The following DLC1 variants were observed in gnomAD, a reference collection of about 807,000 sequenced individuals.
The protein encoded by DLC1 is rho GTPase-activating protein 7.
DLC1 carries 54 observed loss-of-function variants against 140.3 expected under a neutral mutation model. The ratio of observed to expected loss-of-function variants is 0.38; its 90% CI spans 0.31 to 0.48. The LOEUF is 0.48. DLC1 is among the 20% of genes least tolerant of loss of function. The probability of loss-of-function intolerance (pLI) is 0.96; values close to 1 mark genes in which losing one functional copy is unlikely to be tolerated. For synonymous variants in DLC1, 986 were observed against 728.1 expected (o/e 1.35, Z -5.70); for missense variants, 2,536 against 1,907.0 (o/e 1.33, Z -6.14).
intron 5 of DLC1, among the ~76,000 whole-genome samples, chr8:13,187,067 C>G (rs141362020): frequency 6.6e-6 from 1 of 152,142 alleles, no homozygotes; most frequent in Non-Finnish European, 1.5e-5. Flanking sequence ...GGGCAGCCAC[C>G]TATGTGAGGT....
intron 5 of DLC1, among the ~76,000 whole-genome samples, chr8:13,168,290 A>T (rs575469945): frequency 6.6e-6 from 1 of 152,312 alleles, no homozygotes; most frequent in South Asian, 2.1e-4. Flanking sequence ...TCAAAATTTT[A>T]ATGAGAGGAA....
chr8:13,333,837 C>G (rs928171909), intron 4 of DLC1, among the ~76,000 whole-genome samples: 1 of 152,108 alleles, frequency 6.6e-6, no homozygotes, highest in African/African-American at 2.4e-5. Flanking sequence ...GAGTAGACAG[C>G]TTTAAAAGAT....
intron 2 of DLC1, among the ~76,000 whole-genome samples, chr8:13,460,163 C>T (rs1799593803): frequency 6.6e-6 from 1 of 152,188 alleles, no homozygotes; most frequent in Non-Finnish European, 1.5e-5. Context: ...TATGTCTTAT[C>T]CTGATGTGTA....
At chr8:13,223,434 T>G (rs1013645864) in intron 5 of DLC1, among the ~76,000 whole-genome samples, 1 of 152,208 alleles carries the variant, frequency 6.6e-6, no homozygotes, top group African/African-American at 2.4e-5. Context: ...CTTTTTGTGT[T>G]TATTTTGTAT....
chr8:13,099,318 A>G, intron 9 of DLC1, 29 bp downstream of exon 9: 1 of 1,592,116 alleles, frequency 6.3e-7, no homozygotes, highest in South Asian at 1.2e-5. Context: ...CCAGTGCCCC[A>G]CACCCGGAGG....
chr8:13,467,103 C>T (rs1234187145), intron 2 of DLC1, among the ~76,000 whole-genome samples: 1 of 152,180 alleles, frequency 6.6e-6, no homozygotes, highest in Non-Finnish European at 1.5e-5. Context: ...AGATTTACTC[C>T]TTTGTAACTT....
chr8:13,219,811 A>G (rs1039539907), intron 5 of DLC1, among the ~76,000 whole-genome samples: 4 of 152,186 alleles, frequency 2.6e-5, no homozygotes, highest in Admixed American at 1.3e-4. Flanking sequence ...TAAATGAGGT[A>G]TGTCCATCCA....
chr8:13,571,051 T>C (rs1038836558), intron 1 of DLC1, among the ~76,000 whole-genome samples: 4 of 152,190 alleles, frequency 2.6e-5, no homozygotes, highest in African/African-American at 9.7e-5. Context: ...ACAACTTTAT[T>C]ATTGGGTAGG....
At chr8:13,590,608 C>T (rs1031855595) in intron 1 of DLC1, among the ~76,000 whole-genome samples, 22 of 152,098 alleles carry the variant, frequency 1.4e-4, no homozygotes, top group Admixed American at 1.4e-3. Flanking sequence ...TCTAGCCTTC[C>T]AAAATACTCT....
chr8:13,242,155 A>G (rs181395742), intron 5 of DLC1, among the ~76,000 whole-genome samples: 1 of 152,206 alleles, frequency 6.6e-6, no homozygotes, highest in East Asian at 1.9e-4. Context: ...TCATATAAAC[A>G]GGTTGTTCAT....
chr8:13,118,004 C>CTTTTTTTT (rs35775672), intron 5 of DLC1, among the ~76,000 whole-genome samples: 6 of 114,964 alleles, frequency 5.2e-5, no homozygotes, highest in African/African-American at 1.3e-4. Context: ...TGTTCTCTTT[C>CTTTTTTTT]TTTTTTTTTT....
chr8:13,391,502 A>G (rs2043511262), intron 4 of DLC1, among the ~76,000 whole-genome samples: 1 of 152,182 alleles, frequency 6.6e-6, no homozygotes, highest in Non-Finnish European at 1.5e-5. Flanking sequence ...TGGTCAATTG[A>G]TGGCAAAACA....
At chr8:13,298,374 G>A (rs763263078) in intron 5 of DLC1, among the ~76,000 whole-genome samples, 1 of 152,178 alleles carries the variant, frequency 6.6e-6, no homozygotes, top group Non-Finnish European at 1.5e-5. Flanking sequence ...GTTGGGTTGA[G>A]TAGTAGGAGT....
chr8:13,545,437 A>T (rs896588359), intron 1 of DLC1, among the ~76,000 whole-genome samples: 1 of 152,034 alleles, frequency 6.6e-6, no homozygotes, highest in Non-Finnish European at 1.5e-5. Flanking sequence ...TTTGCCGGCC[A>T]ATATTCACCT....
At chr8:13,420,416 A>T (rs1192089627) in intron 2 of DLC1, among the ~76,000 whole-genome samples, 1 of 152,074 alleles carries the variant, frequency 6.6e-6, no homozygotes, top group Non-Finnish European at 1.5e-5. Context: ...TTTAAACTTA[A>T]GTTCTGGGAT....
intron 1 of DLC1, among the ~76,000 whole-genome samples, chr8:13,587,662 T>C (rs1245669734): frequency 2.0e-5 from 3 of 150,212 alleles, no homozygotes; most frequent in East Asian, 3.9e-4. Flanking sequence ...ATATAGGCGA[T>C]GTTAACTGCA....
At chr8:13,309,897 CT>C (rs1469241237) in intron 4 of DLC1, among the ~76,000 whole-genome samples, 1 of 151,966 alleles carries the variant, frequency 6.6e-6, no homozygotes. Context: ...TAGGAATATG[CT>C]TTTTTTCTAC....
chr8:13,595,073 C>T (rs764540194), intron 1 of DLC1, among the ~76,000 whole-genome samples: 1 of 151,598 alleles, frequency 6.6e-6, no homozygotes, highest in African/African-American at 2.4e-5. Flanking sequence ...CTCTTCAGAT[C>T]GCCAGAGAAT....
intron 2 of DLC1, among the ~76,000 whole-genome samples, chr8:13,479,182 C>A (rs1800570632): frequency 6.6e-6 from 1 of 152,162 alleles, no homozygotes; most frequent in Non-Finnish European, 1.5e-5. Context: ...GTGCTCAGTA[C>A]ATTTTAAGCA....
Sources: gnomAD v4.1 joint callset for allele counts (sites outside exome capture counted in the v4.1 genomes callset) on GRCh38, gnomAD v4.1.1 for gene constraint, MANE v1.5 for transcripts, NCBI Gene and HGNC (gene_info 2026-07-23, HGNC 2026-07-21) for gene names.